Variants in MKKS observed in about 807,000 individuals in gnomAD.
MKKS encodes molecular chaperone MKKS.
MKKS carries 29 observed loss-of-function variants against 33.2 expected under a neutral mutation model. That is an observed-to-expected ratio of 0.87 (90% CI 0.65 to 1.19). The LOEUF is 1.19. MKKS is among the 50% of genes most tolerant of loss of function. The pLI is 0.00. For missense variants in MKKS, 661 were observed against 662.3 expected (o/e 1.00, Z 0.02); for synonymous variants, 260 against 244.0 (o/e 1.07, Z -0.61).
intron 3 of MKKS, among the ~76,000 whole-genome samples, chr20:10,410,136 A>T (rs1379441758): frequency 6.6e-6 from 1 of 152,142 alleles, no homozygotes. Context: ...AAGTGATCTA[A>T]GTAAAAAACC....
At chr20:10,429,807 G>A (rs1022476403) in intron 1 of MKKS, among the ~76,000 whole-genome samples, 3 of 152,064 alleles carry the variant, frequency 2.0e-5, no homozygotes, top group African/African-American at 7.2e-5. Context: ...TCAAACTGTG[G>A]TCCTCTCAAC....
At chr20:10,420,996 T>C (rs765017910) in intron 1 of MKKS, among the ~76,000 whole-genome samples, 3 of 152,176 alleles carry the variant, frequency 2.0e-5, no homozygotes, top group Non-Finnish European at 2.9e-5. Context: ...TTGGCAACAA[T>C]TGCAAAGGAG....
rs1473562661 is a variant in MKKS, at chr20:10,420,029, T to G, written c.-418+499A>C. Among the ~76,000 whole-genome samples the G allele has an allele frequency of 2.6e-5, 4 of 152,190 alleles. No homozygotes were observed. The East Asian group carries it at 7.7e-4, about 29-fold the overall frequency. On this transcript the variant is annotated intron_variant, in intron 2 of 5. Transcript: ENST00000347364. Reference sequence around the variant, plus strand: ...AAATGTTTTGGTTTTGAGAACTTTTTGAATTTTGGAATTATGGATAAGGGA... The same window carrying G: ...AAATGTTTTGGTTTTGAGAACTTTTGGAATTTTGGAATTATGGATAAGGGA...
chr20:10,413,711 G>T lies in MKKS; in HGVS notation c.-197C>A. Reference sequence around the variant, plus strand: ...CATAGAATGATTTAATGACAAATTAGTAATTCCAAATATTTATTTTACTTC... The same window carrying T: ...CATAGAATGATTTAATGACAAATTATTAATTCCAAATATTTATTTTACTTC... On this transcript the variant is annotated 5_prime_UTR_variant, in exon 3 of 6. Transcript: ENST00000347364. The T allele has an allele frequency of 1.6e-6, 1 of 623,704 alleles. No homozygotes were observed. The highest frequency in any genetic ancestry group is 2.8e-6 in the Non-Finnish European group (1 of 359,780). 38.6% of individuals were successfully genotyped at this position (623,704 alleles called of 1,614,324 possible). A position where few individuals can be genotyped will look rare whatever the true frequency, so the allele number is the denominator to read the frequency against.
Position 10,413,569 on chromosome 20 carries a change from T to C in MKKS, c.-55A>G, listed in dbSNP as rs1365844057. On this transcript the variant is annotated 5_prime_UTR_variant, in exon 3 of 6. Transcript: ENST00000347364. ...GTTTTTATTTTGTAAACCACATTTT[T>C]CTATTTATTGCATTATCACGTTTTA... The C allele has an allele frequency of 6.4e-7, 1 of 1,572,680 alleles. No individual in the cohort carries two copies. The highest frequency in any genetic ancestry group is 1.7e-5 in the Admixed American group (1 of 59,826).
At chr20:10,417,578 G>A (rs550761749) in intron 2 of MKKS, among the ~76,000 whole-genome samples, 1 of 152,030 alleles carries the variant, frequency 6.6e-6, no homozygotes, top group Non-Finnish European at 1.5e-5. Context: ...TTACTGCACT[G>A]TAGCCTGGGT....
intron 5 of MKKS, among the ~76,000 whole-genome samples, chr20:10,407,121 A>C (rs1286735841): frequency 6.6e-6 from 1 of 152,196 alleles, no homozygotes; most frequent in Non-Finnish European, 1.5e-5. Flanking sequence ...TAAAATTATA[A>C]TAGAATCTAA....
In MKKS at chr20:10,408,691, A is replaced by C; in HGVS notation, c.1098T>G (p.Asn366Lys). Residue 366 changes from asparagine (N) to lysine (K), a missense_variant, in exon 4 of 6, where the codon AAT (asparagine) becomes AAG (lysine). Transcript: ENST00000347364. ...GSKHFFHLIP[N>K]EATICSLLLC... Reference sequence around the variant, plus strand: ...GAAGCAAGCTGCAGATTGTTGCTTCATTAGGAATAAGATGAAAAAAATGTT... The same window carrying C: ...GAAGCAAGCTGCAGATTGTTGCTTCCTTAGGAATAAGATGAAAAAAATGTT... 6.2e-7 allele frequency: 1 copy of C among 1,614,132 alleles called. No individual in the cohort carries two copies. The highest frequency in any genetic ancestry group is 8.5e-7 in the Non-Finnish European group (1 of 1,180,004).
intron 1 of MKKS, among the ~76,000 whole-genome samples, chr20:10,424,406 C>T (rs960334546): frequency 6.6e-6 from 1 of 151,920 alleles, no homozygotes; most frequent in Non-Finnish European, 1.5e-5. Context: ...AAAGAAAAAA[C>T]ATATATTTTT....
intron 5 of MKKS, 36 bp downstream of exon 5, chr20:10,407,580 G>C: frequency 6.4e-7 from 1 of 1,568,042 alleles, no homozygotes; most frequent in Non-Finnish European, 8.8e-7. Context: ...AAGTTGCTGA[G>C]AATTCAGGTA....
chr20:10,433,636 G>C (rs1380031497), intron 1 of MKKS, among the ~76,000 whole-genome samples: 1 of 152,174 alleles, frequency 6.6e-6, no homozygotes, highest in African/African-American at 2.4e-5. Flanking sequence ...CCCCGCGGCT[G>C]CTTTCACGTA....
chr20:10,415,740 T>C (rs1193513980), intron 2 of MKKS, among the ~76,000 whole-genome samples: 3 of 152,226 alleles, frequency 2.0e-5, no homozygotes, highest in African/African-American at 4.8e-5. Flanking sequence ...GTTTTTCTAG[T>C]TAGAACATTT....
intron 1 of MKKS, among the ~76,000 whole-genome samples, chr20:10,428,339 C>T (rs1224513493): frequency 6.6e-6 from 1 of 152,194 alleles, no homozygotes; most frequent in Non-Finnish European, 1.5e-5. Flanking sequence ...ATGAATGGGC[C>T]TTTAGTGCTA....
At chr20:10,417,286 G>A (rs559847797) in intron 2 of MKKS, among the ~76,000 whole-genome samples, 1 of 151,704 alleles carries the variant, frequency 6.6e-6, no homozygotes, top group East Asian at 1.9e-4. Flanking sequence ...ACTTTATAAT[G>A]GAAAGAAACA....
At chr20:10,428,055 A>G (rs2065028311) in intron 1 of MKKS, among the ~76,000 whole-genome samples, 1 of 152,246 alleles carries the variant, frequency 6.6e-6, no homozygotes, top group Admixed American at 6.5e-5. Context: ...TAAAAAATAT[A>G]CTGAAAGCAT....
At chr20:10,408,920 T>C in intron 3 of MKKS, 117 bp from the exon 4 acceptor site, 1 of 731,654 alleles carries the variant, frequency 1.4e-6, no homozygotes, top group Non-Finnish European at 2.2e-6. Context: ...TAATTTAAAA[T>C]ATGAAATACA....
rs1019611427 is a variant in MKKS at position 10,403,867 on chromosome 20, T to G, written c.*1380A>C. The G allele has an allele frequency of 6.6e-6, 1 of 152,224 alleles. No homozygotes were observed. Among genetic ancestry groups the G allele is most frequent in the Non-Finnish European group, 1.5e-5 (1 of 68,038 alleles). 9.4% of individuals were successfully genotyped at this position (152,224 alleles called of 1,614,324 possible). A position where few individuals can be genotyped will look rare whatever the true frequency, so the allele number is the denominator to read the frequency against. Reference sequence around the variant, plus strand: ...TGAGACTTCAGGTGGGGCTGATACCTAACATATATGGATGGCATTGCTGCT... The same window carrying G: ...TGAGACTTCAGGTGGGGCTGATACCGAACATATATGGATGGCATTGCTGCT... On this transcript the variant is annotated 3_prime_UTR_variant, in exon 6 of 6. Coordinates refer to ENST00000347364, the MANE Select transcript of MKKS (RefSeq NM_170784.3).
intron 2 of MKKS, among the ~76,000 whole-genome samples, chr20:10,417,320 A>G (rs1461191762): frequency 6.6e-6 from 1 of 152,006 alleles, no homozygotes. Context: ...TGTTAATCTT[A>G]GCAACACTGG....
Position 10,413,648 on chromosome 20 carries a change from A to G in MKKS, c.-134T>C. The stretch of plus-strand genomic sequence containing the variant: ...AGTATGAATATGCAGCATTGTGGCT[A>G]TAAAATCAAAAAGTTCAATGTTTAT... On this transcript the variant is annotated 5_prime_UTR_variant, in exon 3 of 6. Transcript: ENST00000347364. 1.0e-6 allele frequency: 1 copy of G among 1,001,316 alleles called. No homozygotes were observed. The highest frequency in any genetic ancestry group is 2.5e-5 in the East Asian group (1 of 39,756). 62.0% of individuals were successfully genotyped at this position (1,001,316 alleles called of 1,614,324 possible).
Sources: gnomAD v4.1 joint callset for allele counts (sites outside exome capture counted in the v4.1 genomes callset) on GRCh38, gnomAD v4.1.1 for gene constraint, MANE v1.5 for transcripts, NCBI Gene and HGNC (gene_info 2026-07-23, HGNC 2026-07-21) for gene names.